The following CTNND2 variants were observed in gnomAD, a reference collection of about 807,000 sequenced individuals.
The protein encoded by CTNND2 is catenin delta-2.
A neutral mutation model predicts 144.4 loss-of-function variants in CTNND2; 22 were observed. The observed-to-expected ratio is 0.15, with a 90% CI of 0.11 to 0.22. The LOEUF is 0.22. Among genes scored for constraint, CTNND2 ranks in the 10% least tolerant of loss-of-function variants. The probability of loss-of-function intolerance (pLI) is 1.00; values close to 1 mark genes in which losing one functional copy is unlikely to be tolerated. For synonymous variants in CTNND2, 751 were observed against 695.6 expected, an observed-to-expected ratio of 1.08 and a Z score of -1.25; for missense variants, 1,353 against 1,618.8, an observed-to-expected ratio of 0.84 and a Z score of 2.82.
At chr5:11,719,607 T>C (rs938550350) in intron 2 of CTNND2, among the ~76,000 whole-genome samples, 8 of 152,206 alleles carry the variant, frequency 5.3e-5, no homozygotes, top group African/African-American at 1.9e-4. Flanking sequence ...TAATATGCAA[T>C]ATTTATCCTT....
chr5:11,703,815 G>A (rs1274871411), intron 2 of CTNND2, among the ~76,000 whole-genome samples: 1 of 152,128 alleles, frequency 6.6e-6, no homozygotes, highest in Non-Finnish European at 1.5e-5. Flanking sequence ...TTGGAATAAA[G>A]ATACAAAATA....
At chr5:11,589,801 G>C (rs114149300) in intron 2 of CTNND2, among the ~76,000 whole-genome samples, 1 of 152,112 alleles carries the variant, frequency 6.6e-6, no homozygotes, top group African/African-American at 2.4e-5. Flanking sequence ...ATAATTAGAC[G>C]ACCTGGGACA....
intron 17 of CTNND2, among the ~76,000 whole-genome samples, chr5:11,019,565 C>G (rs1340596296): frequency 6.6e-6 from 1 of 152,180 alleles, no homozygotes; most frequent in Non-Finnish European, 1.5e-5. Flanking sequence ...AATGCCAATA[C>G]ATCACAGTGT....
At chr5:11,761,089 T>G (rs1036713532) in intron 1 of CTNND2, among the ~76,000 whole-genome samples, 2 of 152,162 alleles carry the variant, frequency 1.3e-5, no homozygotes, top group African/African-American at 4.8e-5. Flanking sequence ...TGTCAATAAT[T>G]CCACCAAAGA....
chr5:11,039,272 G>A lies in CTNND2; in HGVS notation c.2789-16293C>T, dbSNP rs939713688. 2.0e-5 allele frequency among the ~76,000 whole-genome samples: 3 copies of A among 152,200 alleles called. No homozygotes were observed. In the South Asian group the frequency reaches 6.2e-4, roughly 32 times the overall value. On this transcript the variant is annotated intron_variant, in intron 16 of 21. Coordinates refer to ENST00000304623, the MANE Select transcript of CTNND2 (RefSeq NM_001332.4). ...AACTGCTGTTTGCCCAGCATGACCT[G>A]ACTAAATGTAACCTTACAAACCAAG...
intron 9 of CTNND2, among the ~76,000 whole-genome samples, chr5:11,260,861 T>C (rs1241757423): frequency 6.6e-6 from 1 of 152,172 alleles, no homozygotes; most frequent in Non-Finnish European, 1.5e-5. Flanking sequence ...TTTACTATTA[T>C]AGGGAAGTAT....
rs59455530 is a variant in CTNND2, at chr5:10,986,278, A to T, written c.3343+1833T>A. On this transcript the variant is annotated intron_variant, in intron 20 of 21. Coordinates refer to ENST00000304623, the MANE Select transcript of CTNND2 (RefSeq NM_001332.4). ...CAGGGCACAATTATGTGCCATTGGA[A>T]CTGTTTTGACATAAACACGCACACC... Among the ~76,000 whole-genome samples the T allele has an allele frequency of 1.1e-3, 173 of 152,378 alleles. 1 individual carries two copies. The East Asian group carries it at 0.023, about 21-fold the overall frequency.
intron 1 of CTNND2, among the ~76,000 whole-genome samples, chr5:11,877,533 T>C (rs66487155): frequency 0.014 from 2,136 of 152,116 alleles, 52 homozygotes; most frequent in African/African-American, 0.048. Flanking sequence ...TATTTTGAAA[T>C]ATAAGCACAT....
chr5:11,833,292 AT>A (rs1195546657), intron 1 of CTNND2, among the ~76,000 whole-genome samples: 2 of 152,184 alleles, frequency 1.3e-5, no homozygotes, highest in Non-Finnish European at 2.9e-5. Context: ...ACTACTCAGT[AT>A]TTTTTTAATG....
chr5:11,838,741 A>C (rs964182907), intron 1 of CTNND2, among the ~76,000 whole-genome samples: 1 of 152,162 alleles, frequency 6.6e-6, no homozygotes, highest in African/African-American at 2.4e-5. Context: ...TTAAGAGATA[A>C]ATTTTTTCAC....
At chr5:11,130,975 G>A (rs578179156) in intron 12 of CTNND2, among the ~76,000 whole-genome samples, 31 of 152,156 alleles carry the variant, frequency 2.0e-4, no homozygotes, top group African/African-American at 7.2e-4. Context: ...CCCACCACAC[G>A]CCACTGCAGC....
intron 1 of CTNND2, among the ~76,000 whole-genome samples, chr5:11,862,697 CA>C (rs1424313535): frequency 6.6e-6 from 1 of 152,164 alleles, no homozygotes; most frequent in African/African-American, 2.4e-5. Context: ...AAGGAGTCTT[CA>C]TTTTGCCATA....
At chr5:11,616,052 T>C (rs996672126) in intron 2 of CTNND2, among the ~76,000 whole-genome samples, 1 of 152,228 alleles carries the variant, frequency 6.6e-6, no homozygotes, top group African/African-American at 2.4e-5. Flanking sequence ...CTTCTCTCTC[T>C]TGGTTTATGA....
intron 16 of CTNND2, among the ~76,000 whole-genome samples, chr5:11,030,400 A>G (rs1189127706): frequency 6.6e-6 from 1 of 152,120 alleles, no homozygotes; most frequent in Non-Finnish European, 1.5e-5. Flanking sequence ...TGATGTCCAC[A>G]GAACCCTTAA....
In CTNND2 at chr5:11,572,337, G is replaced by A. The variant is rs552061934; in HGVS notation, c.175-7281C>T. On this transcript the variant is annotated intron_variant, in intron 2 of 21. Coordinates refer to ENST00000304623, the MANE Select transcript of CTNND2 (RefSeq NM_001332.4). ...TCTGAAGTCCCATACTTCAGGTTTC[G>A]GTCAACTTTCCTGCTGTGTCCTCTA... is the stretch of plus-strand genomic sequence containing the variant. Among the ~76,000 whole-genome samples the A allele has an allele frequency of 2.1e-4, 32 of 152,190 alleles. No homozygotes were observed. The South Asian group carries it at 5.6e-3, about 27-fold the overall frequency.
At chr5:11,099,630 A>G (rs1172135441) in intron 14 of CTNND2, among the ~76,000 whole-genome samples, 1 of 152,188 alleles carries the variant, frequency 6.6e-6, no homozygotes, top group Non-Finnish European at 1.5e-5. Flanking sequence ...ATTTACTAAT[A>G]CAATGTCTTT....
At chr5:11,341,512 A>G (rs905437474) in intron 9 of CTNND2, among the ~76,000 whole-genome samples, 3 of 152,194 alleles carry the variant, frequency 2.0e-5, no homozygotes, top group Non-Finnish European at 4.4e-5. Flanking sequence ...TTCCTCAGTT[A>G]AATAAATAAT....
At chr5:11,432,157 G>T (rs1763362383) in intron 3 of CTNND2, among the ~76,000 whole-genome samples, 1 of 142,222 alleles carries the variant, frequency 7.0e-6, no homozygotes, top group African/African-American at 2.7e-5. Flanking sequence ...AAGGGCTTAA[G>T]GACTGTTACT....
intron 2 of CTNND2, among the ~76,000 whole-genome samples, chr5:11,673,025 T>C (rs1561680409): frequency 6.6e-6 from 1 of 152,140 alleles, no homozygotes; most frequent in Non-Finnish European, 1.5e-5. Context: ...TGCTGGGAGC[T>C]GCAGACCGGA....
Sources: allele counts gnomAD v4.1 joint callset (sites outside exome capture counted in the v4.1 genomes callset), GRCh38; gene constraint gnomAD v4.1.1; transcripts MANE v1.5; gene names NCBI Gene and HGNC (gene_info 2026-07-23, HGNC 2026-07-21).